The following GNAZ variants were observed in gnomAD, a reference collection of about 807,000 sequenced individuals.
The protein encoded by GNAZ is G protein subunit alpha z.
A neutral mutation model predicts 25.4 loss-of-function variants in GNAZ; 3 were observed. The observed-to-expected ratio is 0.12, with a 90% CI of 0.05 to 0.30. The LOEUF is 0.30. GNAZ is among the 10% of genes least tolerant of loss of function. The probability of loss-of-function intolerance (pLI) is 1.00; values close to 1 mark genes in which losing one functional copy is unlikely to be tolerated. For synonymous variants in GNAZ, 211 were observed against 205.7 expected (o/e 1.03, Z -0.22); for missense variants, 241 against 501.8 (o/e 0.48, Z 4.97).
chr22:23,108,843 C>T (rs1427266671), intron 2 of GNAZ, among the ~76,000 whole-genome samples: 1 of 152,250 alleles, frequency 6.6e-6, no homozygotes, highest in Non-Finnish European at 1.5e-5. Flanking sequence ...GGTGGTGTCC[C>T]TATTTGGGGA....
At chr22:23,078,988 T>C (rs1235607255) in intron 1 of GNAZ, among the ~76,000 whole-genome samples, 1 of 152,078 alleles carries the variant, frequency 6.6e-6, no homozygotes, top group Non-Finnish European at 1.5e-5. Context: ...TCCCCAACTA[T>C]CCCCTCCGTG....
At chr22:23,116,728 C>T (rs554984268) in intron 2 of GNAZ, among the ~76,000 whole-genome samples, 1 of 152,314 alleles carries the variant, frequency 6.6e-6, no homozygotes, top group South Asian at 2.1e-4. Flanking sequence ...AGGCGCTTGT[C>T]CCACACAGCT....
At chr22:23,107,941 C>T (rs1367235385) in intron 2 of GNAZ, among the ~76,000 whole-genome samples, 4 of 152,128 alleles carry the variant, frequency 2.6e-5, no homozygotes, top group East Asian at 3.9e-4. Context: ...AGGCCTGCTG[C>T]GGGGGAGGAA....
chr22:23,076,623 G>A (rs547763032), intron 1 of GNAZ, among the ~76,000 whole-genome samples: 20 of 152,336 alleles, frequency 1.3e-4, no homozygotes, highest in African/African-American at 3.8e-4. Flanking sequence ...CAGATGCCTC[G>A]GGCTGACGCC....
intron 2 of GNAZ, among the ~76,000 whole-genome samples, chr22:23,122,073 G>C (rs968288678): frequency 6.6e-6 from 1 of 152,140 alleles, no homozygotes; most frequent in Admixed American, 6.6e-5. Context: ...AAGCCAGATT[G>C]GTTCCAGATT....
At position 23,115,107 on chromosome 22, in the gene GNAZ, G is replaced by T. The variant is rs150196821; in HGVS notation, c.724-7980G>T. ...CTCTGTGCTGTGGCCACAGCAAACT[G>T]CATGGGGTCCTGTGGAGTAAGGGAC... On this transcript the variant is annotated intron_variant, in intron 2 of 2. Coordinates refer to ENST00000615612, the MANE Select transcript of GNAZ (RefSeq NM_002073.4). 4.4e-3 allele frequency among the ~76,000 whole-genome samples: 677 copies of T among 152,304 alleles called. 7 individuals carry two copies. The highest frequency in any genetic ancestry group is 0.015 in the African/African-American group (644 of 41,566).
At chr22:23,077,122 G>C (rs1364051428) in intron 1 of GNAZ, among the ~76,000 whole-genome samples, 1 of 152,174 alleles carries the variant, frequency 6.6e-6, no homozygotes, top group Admixed American at 6.5e-5. Flanking sequence ...ACGGGAGGCA[G>C]GATTTAGATG....
intron 1 of GNAZ, among the ~76,000 whole-genome samples, chr22:23,090,241 A>G (rs2068931762): frequency 6.6e-6 from 1 of 152,052 alleles, no homozygotes; most frequent in Admixed American, 6.5e-5. Flanking sequence ...CTCCAAGAGC[A>G]GCCCCTGCTT....
At chr22:23,090,518 G>T (rs2068942239) in intron 1 of GNAZ, among the ~76,000 whole-genome samples, 1 of 152,136 alleles carries the variant, frequency 6.6e-6, no homozygotes, top group Non-Finnish European at 1.5e-5. Flanking sequence ...CCCAAACCCT[G>T]GCTGGCTCCT....
At chr22:23,096,622 C>G (rs544895383) in intron 2 of GNAZ, among the ~76,000 whole-genome samples, 10 of 152,138 alleles carry the variant, frequency 6.6e-5, no homozygotes, top group Non-Finnish European at 1.2e-4. Flanking sequence ...TGTCCCATGC[C>G]TGAAGTACTC....
rs1374721212 is a variant in GNAZ, at chr22:23,071,216, G to GT, written c.-450+649dup. Among the ~76,000 whole-genome samples, 1 of 152,032 alleles carries GT rather than the reference G, an allele frequency of 6.6e-6. No individual in the cohort carries two copies. Among genetic ancestry groups the GT allele is most frequent in the Non-Finnish European group, 1.5e-5 (1 of 67,974 alleles). On this transcript the variant is annotated intron_variant, in intron 1 of 2. Coordinates refer to ENST00000615612, the MANE Select transcript of GNAZ (RefSeq NM_002073.4). The surrounding 1 kb of genome is among the most constrained non-coding windows in gnomAD (Gnocchi z 4.1). ...TTTTCCCTTAAAAGGCGGTGGGGGT[G>GT]TTTGGGGGAGGGGAGTGAGGGCCTC...
intron 2 of GNAZ, among the ~76,000 whole-genome samples, chr22:23,096,883 TTGGGATTCTTTCACAGTGGCA>T: frequency 6.6e-6 from 1 of 152,222 alleles, no homozygotes; most frequent in Middle Eastern, 3.4e-3. Context: ...AAAGCAGGTG[TTGGGATTCTTTCACAGTGGCA>T]TGGGCGCAGC....
At chr22:23,104,609 G>A (rs2069406208) in intron 2 of GNAZ, among the ~76,000 whole-genome samples, 1 of 152,230 alleles carries the variant, frequency 6.6e-6, no homozygotes, top group South Asian at 2.1e-4. Context: ...GTATAATCCA[G>A]TAACTGAAAA....
intron 1 of GNAZ, among the ~76,000 whole-genome samples, chr22:23,084,114 C>A (rs2068752452): frequency 6.6e-6 from 1 of 152,166 alleles, no homozygotes; most frequent in Admixed American, 6.5e-5. Flanking sequence ...CTACCCATGT[C>A]CAGTGTCACT....
intron 1 of GNAZ, among the ~76,000 whole-genome samples, chr22:23,073,805 G>A (rs2068437914): frequency 6.6e-6 from 1 of 152,162 alleles, no homozygotes; most frequent in South Asian, 2.1e-4. Context: ...CAGGTGCAGG[G>A]GTACAGCAGG....
chr22:23,106,439 C>T (rs1297980754), intron 2 of GNAZ, among the ~76,000 whole-genome samples: 1 of 152,232 alleles, frequency 6.6e-6, no homozygotes, highest in East Asian at 1.9e-4. Flanking sequence ...GCACCGTCTC[C>T]ATCTCACACT....
At chr22:23,105,804 C>T (rs1475070438) in intron 2 of GNAZ, among the ~76,000 whole-genome samples, 1 of 152,174 alleles carries the variant, frequency 6.6e-6, no homozygotes, top group Non-Finnish European at 1.5e-5. Context: ...TTAAAAGCAG[C>T]AAGATTTAAC....
intron 2 of GNAZ, among the ~76,000 whole-genome samples, chr22:23,105,887 C>T (rs1157509908): frequency 2.0e-5 from 3 of 152,198 alleles, no homozygotes; most frequent in Non-Finnish European, 4.4e-5. Flanking sequence ...CCAGTCCTCC[C>T]AGTTGGGCAG....
intron 1 of GNAZ, among the ~76,000 whole-genome samples, chr22:23,079,240 G>A (rs1010425385): frequency 1.3e-5 from 2 of 152,246 alleles, no homozygotes; most frequent in African/African-American, 2.4e-5. Context: ...GGCTGTGTGC[G>A]AATATGGGGG....
Sources: allele counts gnomAD v4.1 joint callset (sites outside exome capture counted in the v4.1 genomes callset), GRCh38; gene constraint gnomAD v4.1.1; non-coding constraint Gnocchi (gnomAD v3.1); transcripts MANE v1.5; gene names NCBI Gene and HGNC (gene_info 2026-07-23, HGNC 2026-07-21).